SMYD3: variants seen among roughly 807,000 people sequenced by gnomAD.
SMYD3 encodes the protein histone-lysine N-methyltransferase SMYD3.
A neutral mutation model predicts 57.7 loss-of-function variants in SMYD3; 36 were observed. The ratio of observed to expected loss-of-function variants is 0.62; its 90% confidence interval spans 0.48 to 0.82. The LOEUF is 0.82. Among genes scored for constraint, SMYD3 ranks in the 40% least tolerant of loss-of-function variants. SMYD3 has a pLI of 0.00. For synonymous variants in SMYD3, 211 were observed against 195.0 expected, an observed-to-expected ratio of 1.08 and a Z score of -0.68; for missense variants, 515 against 538.8, an observed-to-expected ratio of 0.96 and a Z score of 0.44.
chr1:245,894,114 T>A (rs555230677), intron 8 of SMYD3, among the ~76,000 whole-genome samples: 66 of 152,322 alleles, frequency 4.3e-4, no homozygotes, highest in Middle Eastern at 3.4e-3. Flanking sequence ...CTTTTCTGTC[T>A]TACAAGGGGA....
At chr1:245,854,024 C>T (rs528765626) in intron 10 of SMYD3, among the ~76,000 whole-genome samples, 4 of 152,136 alleles carry the variant, frequency 2.6e-5, no homozygotes, top group African/African-American at 9.7e-5. Flanking sequence ...GTTCTTCTGC[C>T]TTTTTCCCAG....
intron 10 of SMYD3, among the ~76,000 whole-genome samples, chr1:245,835,172 T>G (rs1339905387): frequency 7.2e-6 from 1 of 139,510 alleles, no homozygotes. Flanking sequence ...CAGGCTAGAG[T>G]GCAACAGCGC....
intron 11 of SMYD3, among the ~76,000 whole-genome samples, chr1:245,751,882 G>GGGGA (rs950698634): frequency 6.6e-6 from 1 of 152,252 alleles, no homozygotes; most frequent in African/African-American, 2.4e-5. Context: ...CCGGAGTGCA[G>GGGGA]GGGAGGAGTT....
At chr1:245,797,828 C>CAAA (rs559088835) in intron 10 of SMYD3, among the ~76,000 whole-genome samples, 14 of 109,430 alleles carry the variant, frequency 1.3e-4, no homozygotes, top group Admixed American at 7.8e-4. Flanking sequence ...TTCCGGGTTC[C>CAAA]AAAAAAAAAA....
intron 10 of SMYD3, among the ~76,000 whole-genome samples, chr1:245,844,398 C>G (rs1051135158): frequency 6.6e-6 from 1 of 152,138 alleles, no homozygotes; most frequent in Non-Finnish European, 1.5e-5. Context: ...TCTCTCTGGA[C>G]CCCCCAGATA....
chr1:245,832,149 T>A (rs1033205390), intron 10 of SMYD3, among the ~76,000 whole-genome samples: 3 of 152,212 alleles, frequency 2.0e-5, no homozygotes, highest in African/African-American at 7.2e-5. Context: ...CCTGGCTCAA[T>A]AATGCCTGGT....
chr1:245,801,548 T>C (rs1231522057), intron 10 of SMYD3, among the ~76,000 whole-genome samples: 1 of 152,230 alleles, frequency 6.6e-6, no homozygotes, highest in Non-Finnish European at 1.5e-5. Flanking sequence ...AGAGCTCTTA[T>C]AATCTTGGCC....
intron 5 of SMYD3, among the ~76,000 whole-genome samples, chr1:246,224,494 A>T (rs2063300757): frequency 6.6e-6 from 1 of 152,120 alleles, no homozygotes; most frequent in African/African-American, 2.4e-5. Context: ...CTGAAATAGC[A>T]TAAGGGATTC....
At chr1:246,339,761 C>T (rs1379682672) in intron 2 of SMYD3, among the ~76,000 whole-genome samples, 1 of 152,184 alleles carries the variant, frequency 6.6e-6, no homozygotes. Flanking sequence ...ACAGCGCTCA[C>T]GAACGGATTC....
At chr1:246,306,321 T>C (rs951599924) in intron 5 of SMYD3, among the ~76,000 whole-genome samples, 1 of 152,068 alleles carries the variant, frequency 6.6e-6, no homozygotes, top group Admixed American at 6.6e-5. Flanking sequence ...CACTCCAGCA[T>C]GGGTGACAGA....
intron 5 of SMYD3, among the ~76,000 whole-genome samples, chr1:246,267,950 G>A (rs1028179148): frequency 6.6e-6 from 1 of 152,128 alleles, no homozygotes; most frequent in African/African-American, 2.4e-5. Flanking sequence ...ATGAGCCTGA[G>A]AGAGGACAGG....
intron 10 of SMYD3, among the ~76,000 whole-genome samples, chr1:245,773,791 T>C (rs544964820): frequency 1.2e-4 from 18 of 152,332 alleles, no homozygotes; most frequent in Admixed American, 1.2e-3. Flanking sequence ...AATGAGATAT[T>C]CCCTACAAAA....
At chr1:245,854,277 T>C (rs1276795052) in intron 10 of SMYD3, among the ~76,000 whole-genome samples, 1 of 152,068 alleles carries the variant, frequency 6.6e-6, no homozygotes, top group Non-Finnish European at 1.5e-5. Flanking sequence ...TTGGAAATGG[T>C]TATCCAAATT....
At chr1:245,908,252 A>G (rs1425626763) in intron 8 of SMYD3, among the ~76,000 whole-genome samples, 1 of 55,968 alleles carries the variant, frequency 1.8e-5, no homozygotes, top group Non-Finnish European at 3.5e-5. Flanking sequence ...ACAAAGAGAG[A>G]CACAAAAGGT....
At chr1:245,983,823 T>G (rs1307748834) in intron 5 of SMYD3, among the ~76,000 whole-genome samples, 5 of 152,080 alleles carry the variant, frequency 3.3e-5, no homozygotes, top group African/African-American at 1.2e-4. Context: ...AAGGAATCAG[T>G]AGCAAGAAGA....
intron 5 of SMYD3, among the ~76,000 whole-genome samples, chr1:246,078,602 G>T (rs914678878): frequency 3.3e-5 from 5 of 152,260 alleles, no homozygotes; most frequent in Non-Finnish European, 7.3e-5. Flanking sequence ...AAGAAGAATA[G>T]TTCAATTCAC....
At chr1:246,196,436 G>A (rs947967663) in intron 5 of SMYD3, among the ~76,000 whole-genome samples, 27 of 152,254 alleles carry the variant, frequency 1.8e-4, no homozygotes, top group African/African-American at 6.5e-4. Flanking sequence ...TAAAAGAGAA[G>A]CACAAAAGGC....
At chr1:246,205,572 A>C (rs1423816778) in intron 5 of SMYD3, among the ~76,000 whole-genome samples, 1 of 152,224 alleles carries the variant, frequency 6.6e-6, no homozygotes, top group Non-Finnish European at 1.5e-5. Flanking sequence ...CTGGAATCCC[A>C]GCACTTTGGG....
intron 10 of SMYD3, among the ~76,000 whole-genome samples, chr1:245,842,760 G>A (rs1215341877): frequency 1.3e-5 from 2 of 152,186 alleles, no homozygotes; most frequent in Middle Eastern, 3.4e-3. Flanking sequence ...CCAGGCTGGA[G>A]TGCAGTGGTA....
Sources: gnomAD v4.1 joint callset for allele counts (sites outside exome capture counted in the v4.1 genomes callset) on GRCh38, gnomAD v4.1.1 for gene constraint, MANE v1.5 for transcripts, NCBI Gene and HGNC (gene_info 2026-07-23, HGNC 2026-07-21) for gene names.